The following ENOX1 variants were observed in gnomAD, a reference collection of about 807,000 sequenced individuals.
ENOX1 encodes ecto-NOX disulfide-thiol exchanger 1.
A neutral mutation model predicts 82.5 loss-of-function variants in ENOX1; 42 were observed. The observed-to-expected ratio is 0.51, with a 90% CI of 0.40 to 0.66. ENOX1 has a LOEUF of 0.66. Ranked by LOEUF, ENOX1 falls within the 30% of genes least tolerant of loss-of-function variation. The probability of loss-of-function intolerance (pLI) is 0.00; values close to 1 mark genes in which losing one functional copy is unlikely to be tolerated. For missense variants in ENOX1, 608 were observed against 811.6 expected (o/e 0.75, Z 3.05); for synonymous variants, 271 against 282.2 (o/e 0.96, Z 0.40).
chr13:43,475,435 T>C (rs1195728862), intron 3 of ENOX1, among the ~76,000 whole-genome samples: 1 of 152,160 alleles, frequency 6.6e-6, no homozygotes, highest in African/African-American at 2.4e-5. Flanking sequence ...ATAAATACTG[T>C]AGCTTAGTAG....
intron 2 of ENOX1, among the ~76,000 whole-genome samples, chr13:43,654,126 C>T (rs1172298334): frequency 6.6e-6 from 1 of 152,186 alleles, no homozygotes; most frequent in Non-Finnish European, 1.5e-5. Context: ...CATCTATAAT[C>T]AGTTGACTTT....
chr13:43,353,734 G>C (rs1220213884), intron 8 of ENOX1, among the ~76,000 whole-genome samples: 1 of 152,182 alleles, frequency 6.6e-6, no homozygotes, highest in Non-Finnish European at 1.5e-5. Flanking sequence ...TCCCCAGCTA[G>C]TTCATTCTAC....
At chr13:43,632,895 T>C (rs995195649) in intron 2 of ENOX1, among the ~76,000 whole-genome samples, 2 of 152,226 alleles carry the variant, frequency 1.3e-5, no homozygotes, top group Non-Finnish European at 2.9e-5. Flanking sequence ...CTGCTAGCTG[T>C]ACCACTGTGA....
At chr13:43,749,142 C>A (rs748669227) in intron 1 of ENOX1, among the ~76,000 whole-genome samples, 2 of 152,220 alleles carry the variant, frequency 1.3e-5, no homozygotes, top group African/African-American at 2.4e-5. Flanking sequence ...AGTTTCACGT[C>A]AAGTTACACA....
At position 43,754,323 on chromosome 13, in the gene ENOX1, G is replaced by GTA. The variant is rs3044245; in HGVS notation, c.-285+32327_-285+32328dup. Among the ~76,000 whole-genome samples, 125 of 142,036 alleles carry GTA rather than the reference G, an allele frequency of 8.8e-4. 2 individuals carry two copies. The highest frequency in any genetic ancestry group is 3.0e-3 in the African/African-American group (116 of 38,886). 93.2% of individuals were successfully genotyped at this position (142,036 alleles called of 152,430 possible). A position where few individuals can be genotyped will look rare whatever the true frequency, so the allele number is the denominator to read the frequency against. On this transcript the variant is annotated intron_variant, in intron 1 of 16. Coordinates refer to ENST00000690772, the MANE Select transcript of ENOX1 (RefSeq NM_001347969.2). ...TGCGTGTATGTATGTGTGTGTGTGT[G>GTA]TATATATATATATATTATTATTATT...
At chr13:43,744,832 C>T (rs1949933195) in intron 1 of ENOX1, among the ~76,000 whole-genome samples, 1 of 152,214 alleles carries the variant, frequency 6.6e-6, no homozygotes, top group African/African-American at 2.4e-5. Context: ...CAAATAGTCA[C>T]TCTCCTTGGT....
intron 1 of ENOX1, among the ~76,000 whole-genome samples, chr13:43,698,337 T>TACA (rs1438082747): frequency 6.0e-4 from 92 of 152,164 alleles, no homozygotes; most frequent in Non-Finnish European, 1.1e-3. Flanking sequence ...AATCTTGACC[T>TACA]GGAAGCTACA....
intron 1 of ENOX1, among the ~76,000 whole-genome samples, chr13:43,774,536 G>T (rs780525954): frequency 3.9e-5 from 6 of 152,180 alleles, no homozygotes; most frequent in Non-Finnish European, 7.3e-5. Context: ...CCATGAGGCT[G>T]AAGTGTGTCT....
intron 14 of ENOX1, among the ~76,000 whole-genome samples, chr13:43,247,414 G>A (rs940690348): frequency 6.6e-6 from 1 of 152,054 alleles, no homozygotes; most frequent in Admixed American, 6.6e-5. Flanking sequence ...GAAGATGAGG[G>A]TGATGAGCTC....
chr13:43,230,507 A>C (rs1230086580), intron 15 of ENOX1, among the ~76,000 whole-genome samples: 1 of 152,180 alleles, frequency 6.6e-6, no homozygotes, highest in Non-Finnish European at 1.5e-5. Flanking sequence ...CTCCACTTAC[A>C]TACAAGATCA....
intron 11 of ENOX1, among the ~76,000 whole-genome samples, chr13:43,303,180 G>C (rs1007103484): frequency 6.6e-6 from 1 of 152,180 alleles, no homozygotes; most frequent in Non-Finnish European, 1.5e-5. Flanking sequence ...CAGTTGTACC[G>C]ATAGCCCCTG....
chr13:43,265,270 T>C, intron 14 of ENOX1, 128 bp downstream of exon 14: 3 of 703,342 alleles, frequency 4.3e-6, no homozygotes, highest in East Asian at 5.5e-5. Context: ...GCCAAACCCA[T>C]ATATTAATCT....
Position 43,300,413 on chromosome 13 carries a change from T to A in ENOX1, c.1262-1883A>T, listed in dbSNP as rs139756623. Among the ~76,000 whole-genome samples the A allele has an allele frequency of 7.0e-4, 106 of 152,042 alleles. 1 individual carries two copies. In the East Asian group the frequency reaches 0.016, roughly 24 times the overall value. ...TCGAGATGCATGACAAAAAAATGCA[T>A]CCTATAGGAGTTCAGAGAAGAGAAA... is the stretch of plus-strand genomic sequence containing the variant. On this transcript the variant is annotated intron_variant, in intron 11 of 16. Coordinates refer to ENST00000690772, the MANE Select transcript of ENOX1 (RefSeq NM_001347969.2).
At chr13:43,280,677 A>G (rs2045325784) in intron 12 of ENOX1, among the ~76,000 whole-genome samples, 1 of 152,228 alleles carries the variant, frequency 6.6e-6, no homozygotes, top group Admixed American at 6.5e-5. Flanking sequence ...TATCACCTAT[A>G]TTACTTAACT....
At chr13:43,524,603 C>T (rs2077911726) in intron 2 of ENOX1, among the ~76,000 whole-genome samples, 1 of 152,082 alleles carries the variant, frequency 6.6e-6, no homozygotes, top group Admixed American at 6.6e-5. Flanking sequence ...AGCCTTCTTG[C>T]TGTCCTCCAA....
rs140054119 is a variant in ENOX1, at chr13:43,479,622, C to T, written c.-75+4387G>A. 3.1e-3 allele frequency among the ~76,000 whole-genome samples: 470 copies of T among 152,320 alleles called. 4 individuals carry two copies. Among genetic ancestry groups the T allele is most frequent in the Non-Finnish European group, 5.8e-3 (397 of 68,032 alleles). On this transcript the variant is annotated intron_variant, in intron 3 of 16. Coordinates refer to ENST00000690772, the MANE Select transcript of ENOX1 (RefSeq NM_001347969.2). ...CGTTCTTCGAAAGAGTCTATCCATC[C>T]ATTTATGTATGTTAGTGTATTTCTA...
intron 2 of ENOX1, among the ~76,000 whole-genome samples, chr13:43,616,174 C>CTAGATAGATAGA (rs1366369862): frequency 1.1e-4 from 1 of 9,280 alleles, no homozygotes; most frequent in African/African-American, 2.3e-4. Context: ...ATCTATCTAT[C>CTAGATAGATAGA]TATCTATCTA....
intron 1 of ENOX1, among the ~76,000 whole-genome samples, chr13:43,702,137 C>T (rs537365077): frequency 1.3e-5 from 2 of 152,188 alleles, no homozygotes; most frequent in East Asian, 1.9e-4. Flanking sequence ...AGAATAATGC[C>T]CTTTAGACCC....
At chr13:43,443,655 C>T (rs181444744) in intron 3 of ENOX1, among the ~76,000 whole-genome samples, 24 of 152,112 alleles carry the variant, frequency 1.6e-4, no homozygotes, top group Non-Finnish European at 2.4e-4. Flanking sequence ...TGGTATATCC[C>T]GGTGGTGGGA....
Sources: allele counts gnomAD v4.1 joint callset (sites outside exome capture counted in the v4.1 genomes callset), GRCh38; gene constraint gnomAD v4.1.1; transcripts MANE v1.5; gene names NCBI Gene and HGNC (gene_info 2026-07-23, HGNC 2026-07-21).